The following SCFD2 variants were observed in gnomAD, a reference collection of about 807,000 sequenced individuals.
SCFD2 encodes the protein sec1 family domain-containing protein 2.
In SCFD2, 54 loss-of-function variants were observed where a neutral mutation model predicts 58.9. The ratio of observed to expected loss-of-function variants is 0.92; its 90% CI spans 0.74 to 1.15. SCFD2 has a LOEUF of 1.15. Ranked by LOEUF, SCFD2 falls within the 50% of genes most tolerant of loss-of-function variation. The probability of loss-of-function intolerance (pLI) is 0.00; values close to 1 mark genes in which losing one functional copy is unlikely to be tolerated. For synonymous variants in SCFD2, 321 were observed against 335.9 expected (o/e 0.96, Z 0.49); for missense variants, 805 against 836.6 (o/e 0.96, Z 0.47).
intron 7 of SCFD2, among the ~76,000 whole-genome samples, chr4:52,887,707 G>T (rs1481411476): frequency 6.6e-6 from 1 of 152,116 alleles, no homozygotes; most frequent in African/African-American, 2.4e-5. Context: ...CCAGCAAGGA[G>T]AGAGGGAATG....
intron 5 of SCFD2, among the ~76,000 whole-genome samples, chr4:53,076,537 A>G (rs1723980962): frequency 6.6e-6 from 1 of 152,112 alleles, no homozygotes; most frequent in African/African-American, 2.4e-5. Flanking sequence ...ATGCGCTGAT[A>G]TCTAGTTGGC....
intron 4 of SCFD2, among the ~76,000 whole-genome samples, chr4:53,248,604 G>A (rs972259313): frequency 3.3e-5 from 5 of 152,142 alleles, no homozygotes; most frequent in Non-Finnish European, 5.9e-5. Context: ...TCCTCAAGTG[G>A]GTCCCTGACC....
At chr4:53,199,053 AT>A (rs1377755846) in intron 4 of SCFD2, among the ~76,000 whole-genome samples, 1 of 152,054 alleles carries the variant, frequency 6.6e-6, no homozygotes, top group Non-Finnish European at 1.5e-5. Flanking sequence ...CCATCTTCTA[AT>A]TAGTTTCTCA....
At chr4:53,007,838 A>G (rs1226300954) in intron 5 of SCFD2, among the ~76,000 whole-genome samples, 18 of 152,198 alleles carry the variant, frequency 1.2e-4, no homozygotes, top group Non-Finnish European at 1.5e-5. Flanking sequence ...AAGTCAGTAC[A>G]TGAGAGAGCA....
At chr4:53,018,276 A>G (rs1416617592) in intron 5 of SCFD2, among the ~76,000 whole-genome samples, 1 of 152,260 alleles carries the variant, frequency 6.6e-6, no homozygotes, top group Non-Finnish European at 1.5e-5. Flanking sequence ...TAAACCAAGC[A>G]TTATAAACCA....
At chr4:53,135,657 G>T (rs564754871) in intron 5 of SCFD2, among the ~76,000 whole-genome samples, 1 of 151,932 alleles carries the variant, frequency 6.6e-6, no homozygotes. Context: ...CAGGAGAATC[G>T]CTGGAATCCA....
intron 2 of SCFD2, among the ~76,000 whole-genome samples, chr4:53,323,446 T>TCACTA (rs145051118): frequency 0.017 from 2,533 of 151,154 alleles, 75 homozygotes; most frequent in African/African-American, 0.058. Flanking sequence ...TAATCACAGC[T>TCACTA]CACTACAACC....
intron 4 of SCFD2, among the ~76,000 whole-genome samples, chr4:53,248,888 A>C (rs929306225): frequency 4.6e-5 from 7 of 152,248 alleles, no homozygotes; most frequent in Non-Finnish European, 1.0e-4. Flanking sequence ...AATTCTAAAA[A>C]GCAGAGCGCC....
chr4:53,110,344 T>C (rs998887665), intron 5 of SCFD2, among the ~76,000 whole-genome samples: 6 of 152,144 alleles, frequency 3.9e-5, no homozygotes, highest in Admixed American at 3.3e-4. Context: ...AAAGACTTCA[T>C]GACCAAAACA....
chr4:52,969,865 GA>G, intron 5 of SCFD2, among the ~76,000 whole-genome samples: 1 of 152,300 alleles, frequency 6.6e-6, no homozygotes, highest in South Asian at 2.1e-4. Context: ...GACCATTATG[GA>G]AAACATTAAT....
At chr4:52,913,538 C>A (rs1475717594) in intron 6 of SCFD2, among the ~76,000 whole-genome samples, 1 of 152,198 alleles carries the variant, frequency 6.6e-6, no homozygotes, top group Non-Finnish European at 1.5e-5. Context: ...ACCTCTCCCA[C>A]TGATTCCATA....
At chr4:52,897,524 A>G (rs1285067050) in intron 7 of SCFD2, among the ~76,000 whole-genome samples, 2 of 152,164 alleles carry the variant, frequency 1.3e-5, no homozygotes, top group Non-Finnish European at 2.9e-5. Context: ...ATCATGGTGG[A>G]TAAGCTTTTT....
chr4:53,141,951 C>A (rs1344212141), intron 5 of SCFD2, among the ~76,000 whole-genome samples: 1 of 152,034 alleles, frequency 6.6e-6, no homozygotes, highest in Admixed American at 6.5e-5. Context: ...TCTTCCCCAC[C>A]AAATCCACTC....
At chr4:53,330,149 G>A (rs1444277240) in intron 2 of SCFD2, among the ~76,000 whole-genome samples, 1 of 152,140 alleles carries the variant, frequency 6.6e-6, no homozygotes, top group Non-Finnish European at 1.5e-5. Flanking sequence ...GGGGAGAATG[G>A]AACCAAGTTG....
chr4:52,993,300 G>C (rs928720617), intron 5 of SCFD2, among the ~76,000 whole-genome samples: 1 of 152,050 alleles, frequency 6.6e-6, no homozygotes, highest in South Asian at 2.1e-4. Flanking sequence ...AGAGACCCTT[G>C]TTCACTTGTT....
chr4:53,055,536 G>A (rs935060348), intron 5 of SCFD2, among the ~76,000 whole-genome samples: 1 of 152,096 alleles, frequency 6.6e-6, no homozygotes, highest in Non-Finnish European at 1.5e-5. Flanking sequence ...GTGATTTCCT[G>A]TAAGGTATTC....
intron 5 of SCFD2, among the ~76,000 whole-genome samples, chr4:53,139,576 C>G (rs1325499550): frequency 6.6e-6 from 1 of 150,908 alleles, no homozygotes; most frequent in African/African-American, 2.4e-5. Flanking sequence ...GCAGCCGCCC[C>G]GTCCGGGAGG....
intron 4 of SCFD2, among the ~76,000 whole-genome samples, chr4:53,195,934 A>G (rs1396198521): frequency 3.3e-5 from 5 of 152,184 alleles, no homozygotes; most frequent in African/African-American, 1.2e-4. Flanking sequence ...TCTAATCTCA[A>G]ATGGTAATCT....
At chr4:53,227,910 C>T (rs115465264) in intron 4 of SCFD2, among the ~76,000 whole-genome samples, 2 of 152,156 alleles carry the variant, frequency 1.3e-5, no homozygotes, top group African/African-American at 2.4e-5. Context: ...TTGACAATTA[C>T]ATTTTTTAAT....
Sources: gnomAD v4.1 joint callset for allele counts (sites outside exome capture counted in the v4.1 genomes callset) on GRCh38, gnomAD v4.1.1 for gene constraint, MANE v1.5 for transcripts, NCBI Gene and HGNC (gene_info 2026-07-23, HGNC 2026-07-21) for gene names.